Variants in CDYL observed in about 807,000 individuals in gnomAD.
CDYL encodes chromodomain Y like, also known as chromodomain Y-like protein.
Under a neutral mutation model 47.3 loss-of-function variants are expected in CDYL, and 8 were observed. The ratio of observed to expected loss-of-function variants is 0.17; its 90% CI spans 0.10 to 0.31. The LOEUF (loss-of-function observed/expected upper bound fraction) is 0.31, where lower values mean the gene tolerates loss of function less well. Among genes scored for constraint, CDYL ranks in the 10% least tolerant of loss-of-function variants. The pLI is 1.00. For missense variants in CDYL, 471 were observed against 701.4 expected (o/e 0.67, Z 3.71); for synonymous variants, 266 against 265.0 (o/e 1.00, Z -0.04).
chr6:4,794,863 TA>T (rs1167936854), intron 1 of CDYL, among the ~76,000 whole-genome samples: 1 of 152,232 alleles, frequency 6.6e-6, no homozygotes, highest in African/African-American at 2.4e-5. Context: ...TATCTGATCT[TA>T]TATCTAGCAG....
intron 2 of CDYL, among the ~76,000 whole-genome samples, chr6:4,918,038 G>A (rs531436486): frequency 3.9e-5 from 6 of 152,182 alleles, no homozygotes; most frequent in Non-Finnish European, 5.9e-5. Flanking sequence ...TGAAATTAAC[G>A]GCCACACACT....
intron 4 of CDYL, among the ~76,000 whole-genome samples, chr6:4,941,857 G>T (rs1439278560): frequency 6.6e-6 from 1 of 152,118 alleles, no homozygotes; most frequent in African/African-American, 2.4e-5. Flanking sequence ...ATAACAGTTT[G>T]CCTTCTGTTC....
At chr6:4,811,636 G>T (rs1451900156) in intron 1 of CDYL, among the ~76,000 whole-genome samples, 1 of 145,816 alleles carries the variant, frequency 6.9e-6, no homozygotes, top group East Asian at 2.0e-4. Flanking sequence ...TTGAGACAGG[G>T]TCTCTGTCAT....
intron 3 of CDYL, among the ~76,000 whole-genome samples, chr6:4,759,747 T>A (rs1758140383): frequency 6.8e-6 from 1 of 146,934 alleles, no homozygotes; most frequent in Non-Finnish European, 1.5e-5. Flanking sequence ...GGCGTGGGGG[T>A]GTGTGCCTGT....
intron 1 of CDYL, among the ~76,000 whole-genome samples, chr6:4,852,451 TCTTCCTTCCTTCCTTCCAATCTTC>T (rs1760867956): frequency 3.3e-5 from 4 of 119,952 alleles, no homozygotes; most frequent in Non-Finnish European, 5.5e-5. Flanking sequence ...TTCCTTCCAA[TCTTCCTTCCTTCCTTCCAATCTTC>T]CTTCCTTCCT....
At chr6:4,817,994 C>T (rs983477638) in intron 1 of CDYL, among the ~76,000 whole-genome samples, 7 of 152,274 alleles carry the variant, frequency 4.6e-5, no homozygotes, top group East Asian at 1.9e-4. Context: ...CAGTGGCTCA[C>T]GCCTGTAATC....
intron 1 of CDYL, among the ~76,000 whole-genome samples, chr6:4,713,060 G>A (rs962489817): frequency 1.6e-4 from 24 of 152,182 alleles, no homozygotes; most frequent in African/African-American, 3.1e-4. Context: ...TGGGAGGATC[G>A]CTTGAGCCCA....
At chr6:4,883,758 C>T (rs1256456227) in intron 1 of CDYL, among the ~76,000 whole-genome samples, 2 of 152,102 alleles carry the variant, frequency 1.3e-5, no homozygotes, top group Admixed American at 6.5e-5. Context: ...CTTTCCAGGA[C>T]CAATGCAACA....
intron 1 of CDYL, among the ~76,000 whole-genome samples, chr6:4,825,526 G>A (rs1343417240): frequency 6.6e-6 from 1 of 152,108 alleles, no homozygotes; most frequent in African/African-American, 2.4e-5. Flanking sequence ...TCTATTCCCA[G>A]TGTGTTGAAT....
At chr6:4,832,645 G>A (rs1250910147) in intron 1 of CDYL, among the ~76,000 whole-genome samples, 2 of 150,904 alleles carry the variant, frequency 1.3e-5, no homozygotes, top group South Asian at 2.1e-4. Flanking sequence ...AGTTTCAGAA[G>A]GAATGGTACC....
chr6:4,874,986 A>G (rs1463814663), intron 1 of CDYL, among the ~76,000 whole-genome samples: 2 of 152,176 alleles, frequency 1.3e-5, no homozygotes, highest in Non-Finnish European at 2.9e-5. Flanking sequence ...TCTTATGACT[A>G]AAGTGGCTAT....
At chr6:4,910,508 T>G (rs1382088659) in intron 2 of CDYL, among the ~76,000 whole-genome samples, 2 of 152,242 alleles carry the variant, frequency 1.3e-5, no homozygotes, top group East Asian at 3.8e-4. Context: ...CATGGGACCA[T>G]GTGACTGATT....
intron 1 of CDYL, among the ~76,000 whole-genome samples, chr6:4,878,471 G>A (rs1054531276): frequency 2.0e-5 from 3 of 151,642 alleles, no homozygotes; most frequent in Non-Finnish European, 4.4e-5. Flanking sequence ...GTGTAAAATA[G>A]CCATATATGT....
intron 1 of CDYL, among the ~76,000 whole-genome samples, chr6:4,711,959 G>T (rs1287706015): frequency 6.6e-6 from 1 of 152,146 alleles, no homozygotes; most frequent in Non-Finnish European, 1.5e-5. Context: ...CAGGAATTTG[G>T]GAGGCTGAGG....
chr6:4,780,733 GA>G (rs981634629), intron 1 of CDYL, among the ~76,000 whole-genome samples: 5 of 151,732 alleles, frequency 3.3e-5, no homozygotes, highest in Non-Finnish European at 5.9e-5. Context: ...TTTTAAAGAG[GA>G]AAAAAAACCC....
chr6:4,943,770 TAAAAAAA>T lies in CDYL; in HGVS notation c.1332+25_1332+31del. 1.7e-6 allele frequency: 2 copies of T among 1,172,862 alleles called. No homozygotes were observed. Among genetic ancestry groups the T allele is most frequent in the South Asian group, 1.5e-5 (1 of 64,526 alleles). The allele number at this position is 1,172,862 out of a possible 1,614,324, so 72.7% of individuals were successfully genotyped here. A position where few individuals can be genotyped will look rare whatever the true frequency, so the allele number is the denominator to read the frequency against. On this transcript the variant is annotated intron_variant, in intron 5 of 6. Transcript: ENST00000397588. ...GGAGGAGCATCTGTGAGTACCTTTTTAAAAAAAAAAAAAAAAAGTCATTCTAGAAAGC... is the reference window on the plus strand; with the variant it reads ...GGAGGAGCATCTGTGAGTACCTTTTTAAAAAAAAAAGTCATTCTAGAAAGC...
chr6:4,920,096 A>G (rs1265368413), intron 2 of CDYL, among the ~76,000 whole-genome samples: 2 of 152,256 alleles, frequency 1.3e-5, no homozygotes, highest in African/African-American at 4.8e-5. Flanking sequence ...ACATAAGGCC[A>G]TCTAAAAAGG....
intron 2 of CDYL, among the ~76,000 whole-genome samples, chr6:4,921,686 G>C (rs1757721022): frequency 1.3e-5 from 2 of 152,038 alleles, no homozygotes; most frequent in African/African-American, 4.8e-5. Flanking sequence ...CAGTCTGTTT[G>C]TTTCCATCCT....
rs561858772 is a variant in CDYL at position 4,736,532 on chromosome 6, T to C, written c.186+1688T>C. Among the ~76,000 whole-genome samples the C allele has an allele frequency of 6.6e-4, 100 of 152,270 alleles. No homozygotes were observed. In the South Asian group the frequency reaches 0.011, roughly 17 times the overall value. ...CTCCCACAGCCTTCCTGGCCTCTGC[T>C]TATATAGGTCAGGAGGGTGCAGGGG... On this transcript the variant is annotated intron_variant, in intron 3 of 8. Coordinates refer to the CDYL transcript ENST00000328908.
Sources: allele counts gnomAD v4.1 joint callset (sites outside exome capture counted in the v4.1 genomes callset), GRCh38; gene constraint gnomAD v4.1.1; transcripts MANE v1.5; gene names NCBI Gene and HGNC (gene_info 2026-07-23, HGNC 2026-07-21).